LEMD1: variants seen among roughly 807,000 people sequenced by gnomAD.
LEMD1 encodes LEM domain-containing protein 1.
LEMD1 carries 18 observed loss-of-function variants against 17.4 expected under a neutral mutation model. The observed-to-expected ratio is 1.04, with a 90% CI of 0.72 to 1.54. The LOEUF is 1.54. LEMD1 is among the 40% of genes most tolerant of loss of function. The pLI is 0.00. For missense variants in LEMD1, 195 were observed against 210.4 expected (o/e 0.93, Z 0.45); for synonymous variants, 88 against 77.8 (o/e 1.13, Z -0.69).
chr1:205,442,557 C>T (rs1362443580), intron 1 of LEMD1, among the ~76,000 whole-genome samples: 1 of 152,230 alleles, frequency 6.6e-6, no homozygotes, highest in African/African-American at 2.4e-5. Flanking sequence ...TCCCCTCCCT[C>T]AGCCTCTCAG....
rs145229904 is a variant in LEMD1 at position 205,381,811 on chromosome 1, G to A, written c.393C>T (p.Ile131=). The change falls in exon 6 of 6, where the codon ATC becomes ATT. Residue 131 remains isoleucine (I), a synonymous_variant. Coordinates refer to ENST00000367153, the MANE Select transcript of LEMD1 (RefSeq NM_001199050.2). ...APSTRITYGT[I]TKERDYCAED... is the part of the protein sequence containing the mutation. ...CCGCGCAGTAGTCTCTCTCTTTGGT[G>A]ATAGTCCCATATGTGATTCTGGTGC... 1.9e-6 allele frequency: 3 copies of A among 1,614,002 alleles called. No individual in the cohort carries two copies. In the African/African-American group the frequency reaches 4.0e-5, roughly 22 times the overall value.
At position 205,403,428 on chromosome 1, in the gene LEMD1, G is replaced by A. The variant is rs1338500100; in HGVS notation, c.270+12804C>T. The stretch of plus-strand genomic sequence containing the variant: ...TTCAACTTCTTCCTGGTTTAGTCTT[G>A]GGAGAGTGTATGTGTCGAGGAATTT... On this transcript the variant is annotated intron_variant, in intron 4 of 5. Transcript: ENST00000367153. Among the ~76,000 whole-genome samples, 3 of 152,104 alleles carry A rather than the reference G, an allele frequency of 2.0e-5. No homozygotes were observed. In the East Asian group the frequency reaches 5.8e-4, roughly 29 times the overall value.
chr1:205,384,242 GA>G, intron 5 of LEMD1, 45 bp downstream of exon 5: 1 of 1,164,118 alleles, frequency 8.6e-7, no homozygotes, highest in South Asian at 1.7e-5. Flanking sequence ...CAGAGCTACA[GA>G]ATACAATAAT....
chr1:205,395,444 A>C (rs535476191), intron 4 of LEMD1, among the ~76,000 whole-genome samples: 16 of 152,118 alleles, frequency 1.1e-4, no homozygotes, highest in Admixed American at 2.6e-4. Flanking sequence ...AAAATACAAA[A>C]TTAGCCAGGT....
chr1:205,408,350 C>T (rs1203125122), intron 4 of LEMD1, among the ~76,000 whole-genome samples: 1 of 151,710 alleles, frequency 6.6e-6, no homozygotes, highest in Non-Finnish European at 1.5e-5. Flanking sequence ...CACACACACA[C>T]TCCTCAAATG....
At chr1:205,396,531 A>G (rs1339767014) in intron 4 of LEMD1, among the ~76,000 whole-genome samples, 1 of 152,190 alleles carries the variant, frequency 6.6e-6, no homozygotes, top group Non-Finnish European at 1.5e-5. Flanking sequence ...TGTTAGAAAA[A>G]TTTGAAAATG....
At chr1:205,447,907 G>C (rs992447917) in intron 1 of LEMD1, among the ~76,000 whole-genome samples, 2 of 152,222 alleles carry the variant, frequency 1.3e-5, no homozygotes. Flanking sequence ...AGAGAAAGGA[G>C]TGAAGGAGTG....
chr1:205,390,973 C>T lies in LEMD1; in HGVS notation c.271-6609G>A, dbSNP rs575723808. ...CACATGTTTATGTTTACTACCTGGG[C>T]GATGCGATCATTAGAAGCCCAATTC... is the stretch of plus-strand genomic sequence containing the variant. On this transcript the variant is annotated intron_variant, in intron 4 of 5. Transcript: ENST00000367153. Among the ~76,000 whole-genome samples the T allele has an allele frequency of 4.4e-4, 66 of 151,712 alleles. 1 individual carries two copies. The highest frequency in any genetic ancestry group is 1.3e-3 in the African/African-American group (54 of 41,226).
Position 205,384,278 on chromosome 1 carries a change from A to G in LEMD1, c.347+10T>C. The G allele has an allele frequency of 6.9e-7, 1 of 1,458,526 alleles. No individual in the cohort carries two copies. The allele number at this position is 1,458,526 out of a possible 1,614,324, so 90.3% of individuals were successfully genotyped here. A position where few individuals can be genotyped will look rare whatever the true frequency, so the allele number is the denominator to read the frequency against. On this transcript the variant is annotated intron_variant, in intron 5 of 5. Coordinates refer to ENST00000367153, the MANE Select transcript of LEMD1 (RefSeq NM_001199050.2). ...TATCAATTTCCACATATGCTAAAAA[A>G]CATCATTACCTTCTTCCCTTGGAAG...
intron 1 of LEMD1, among the ~76,000 whole-genome samples, chr1:205,429,040 C>T (rs1011171059): frequency 7.9e-5 from 12 of 152,164 alleles, no homozygotes; most frequent in Non-Finnish European, 1.8e-4. Flanking sequence ...CCACTTCCAC[C>T]GCCAGCCCCA....
intron 3 of LEMD1, among the ~76,000 whole-genome samples, chr1:205,417,877 A>G (rs374988045): frequency 6.6e-6 from 1 of 151,642 alleles, no homozygotes; most frequent in African/African-American, 2.4e-5. Flanking sequence ...CACAATAGAA[A>G]TTACGAGAAA....
chr1:205,444,846 G>C (rs1196304575), intron 1 of LEMD1, among the ~76,000 whole-genome samples: 1 of 151,854 alleles, frequency 6.6e-6, no homozygotes, highest in Non-Finnish European at 1.5e-5. Flanking sequence ...CCAAGGCAGA[G>C]AGCAGAGGCA....
intron 4 of LEMD1, among the ~76,000 whole-genome samples, chr1:205,404,052 T>C (rs1042384052): frequency 2.0e-5 from 3 of 152,144 alleles, no homozygotes; most frequent in African/African-American, 4.8e-5. Flanking sequence ...TTTGATTGCA[T>C]TGTGGTCTGA....
chr1:205,444,426 G>T (rs1000095534), intron 1 of LEMD1, among the ~76,000 whole-genome samples: 1 of 152,014 alleles, frequency 6.6e-6, no homozygotes, highest in Non-Finnish European at 1.5e-5. Context: ...AATCCATAGA[G>T]CATCCGTCCT....
intron 4 of LEMD1, among the ~76,000 whole-genome samples, chr1:205,411,770 T>C (rs948257022): frequency 2.6e-5 from 4 of 151,884 alleles, no homozygotes; most frequent in Non-Finnish European, 5.9e-5. Flanking sequence ...ACCCACAGAA[T>C]GTGCAGGATG....
chr1:205,383,781 A>C (rs1208119854), intron 5 of LEMD1, among the ~76,000 whole-genome samples: 3 of 150,936 alleles, frequency 2.0e-5, no homozygotes, highest in South Asian at 4.2e-4. Flanking sequence ...TTACAGGCGC[A>C]TGCCACCACG....
chr1:205,399,792 T>G (rs1176326646), intron 4 of LEMD1, among the ~76,000 whole-genome samples: 1 of 152,192 alleles, frequency 6.6e-6, no homozygotes, highest in South Asian at 2.1e-4. Flanking sequence ...CATACTTACA[T>G]GAATGAATGA....
At chr1:205,407,446 G>A (rs941639860) in intron 4 of LEMD1, among the ~76,000 whole-genome samples, 3 of 151,930 alleles carry the variant, frequency 2.0e-5, no homozygotes, top group African/African-American at 7.3e-5. Context: ...AGTCAATCAT[G>A]CGTAAGTAAC....
intron 1 of LEMD1, among the ~76,000 whole-genome samples, chr1:205,446,094 G>A (rs1666383768): frequency 6.6e-6 from 1 of 152,228 alleles, no homozygotes. Context: ...CAGGGGACAG[G>A]ACACACACAG....
Sources: gnomAD v4.1 joint callset for allele counts (sites outside exome capture counted in the v4.1 genomes callset) on GRCh38, gnomAD v4.1.1 for gene constraint, MANE v1.5 for transcripts, NCBI Gene and HGNC (gene_info 2026-07-23, HGNC 2026-07-21) for gene names.